Variants in TMEM131 observed in about 807,000 individuals in gnomAD.
TMEM131 encodes the protein transmembrane protein 131.
TMEM131 carries 66 observed loss-of-function variants against 211.6 expected under a neutral mutation model. The observed-to-expected ratio is 0.31, with a 90% CI of 0.26 to 0.38. The LOEUF (loss-of-function observed/expected upper bound fraction) is 0.38, where lower values mean the gene tolerates loss of function less well. Among genes scored for constraint, TMEM131 ranks in the 10% least tolerant of loss-of-function variants. The probability of loss-of-function intolerance (pLI) is 1.00; values close to 1 mark genes in which losing one functional copy is unlikely to be tolerated. For synonymous variants in TMEM131, 844 were observed against 841.3 expected (o/e 1.00, Z -0.06); for missense variants, 2,036 against 2,299.3 (o/e 0.89, Z 2.34).
intron 3 of TMEM131, among the ~76,000 whole-genome samples, chr2:97,890,606 TAA>T (rs977340315): frequency 1.3e-5 from 2 of 152,294 alleles, no homozygotes; most frequent in Non-Finnish European, 2.9e-5. Context: ...CTGTTCATAT[TAA>T]AAAGTTACTA....
At chr2:97,886,584 A>C (rs922558031) in intron 4 of TMEM131, among the ~76,000 whole-genome samples, 2 of 152,080 alleles carry the variant, frequency 1.3e-5, no homozygotes, top group African/African-American at 2.4e-5. Context: ...AGGCTGAGAG[A>C]GTCTGTGGTG....
At chr2:97,993,556 A>G (rs1439415013) in intron 1 of TMEM131, among the ~76,000 whole-genome samples, 2 of 152,244 alleles carry the variant, frequency 1.3e-5, no homozygotes, top group African/African-American at 2.4e-5. Flanking sequence ...CCTATGTTCT[A>G]TATCAGCATC....
chr2:97,932,186 T>C (rs761017629), intron 1 of TMEM131, among the ~76,000 whole-genome samples: 3 of 151,968 alleles, frequency 2.0e-5, no homozygotes, highest in Non-Finnish European at 4.4e-5. Context: ...AATTCAACAT[T>C]GTTAAATACA....
At chr2:97,935,429 T>A (rs939782850) in intron 1 of TMEM131, among the ~76,000 whole-genome samples, 1 of 152,218 alleles carries the variant, frequency 6.6e-6, no homozygotes, top group Non-Finnish European at 1.5e-5. Flanking sequence ...AGAATCTGTA[T>A]TAAAAAATGA....
intron 5 of TMEM131, among the ~76,000 whole-genome samples, chr2:97,849,113 C>T (rs575049951): frequency 1.3e-5 from 2 of 152,280 alleles, no homozygotes; most frequent in East Asian, 1.9e-4. Context: ...TAACACTGTA[C>T]ACCTAGCTGA....
In TMEM131 at chr2:97,766,136, A is replaced by C; in HGVS notation, c.4701T>G (p.Val1567=). 1.9e-6 allele frequency: 3 copies of C among 1,613,998 alleles called. No homozygotes were observed. The highest frequency in any genetic ancestry group is 2.5e-6 in the Non-Finnish European group (3 of 1,179,884). Residue 1567 remains valine, a synonymous_variant, in exon 35 of 41, where the codon GTT becomes GTG. Transcript: ENST00000186436. ...TACAGCTGCCAGGTTTGTGAACTGG[A>C]ACGGAATCCCACTCCGGTGGAGGAG... ...KDSPPPEWDS[V]PVHKPGSSTD... is the part of the protein sequence containing the mutation.
chr2:97,758,953 T>G lies in TMEM131; in HGVS notation c.5307A>C (p.Pro1769=). ...GCCAGGAAGGACTGGGATCTGTCGC[T>G]GGCGACTCCCAAAGGTATGAAGGGC... ...NSGPSYLWES[P]ATDPSPSWPA... is the part of the protein sequence containing the mutation. Residue 1769 remains proline, a synonymous_variant, in exon 40 of 41, where the codon CCA becomes CCC. Transcript: ENST00000186436. 6.2e-7 allele frequency: 1 copy of G among 1,614,052 alleles called. No homozygotes were observed. Among genetic ancestry groups the G allele is most frequent in the Non-Finnish European group, 8.5e-7 (1 of 1,179,896 alleles).
chr2:97,988,118 C>A (rs1410164556), intron 1 of TMEM131, among the ~76,000 whole-genome samples: 1 of 151,834 alleles, frequency 6.6e-6, no homozygotes, highest in African/African-American at 2.4e-5. Flanking sequence ...ACACACAGAG[C>A]AGTTAAACAG....
intron 11 of TMEM131, among the ~76,000 whole-genome samples, chr2:97,821,532 T>A (rs1682120125): frequency 6.6e-6 from 1 of 152,192 alleles, no homozygotes; most frequent in Non-Finnish European, 1.5e-5. Context: ...ACTACCTTTA[T>A]GAGCTGTAAC....
At chr2:97,985,864 T>A (rs1315732789) in intron 1 of TMEM131, among the ~76,000 whole-genome samples, 1 of 152,042 alleles carries the variant, frequency 6.6e-6, no homozygotes, top group Admixed American at 6.6e-5. Context: ...AGATTTGCAT[T>A]TAAAGATGGA....
Position 97,796,378 on chromosome 2 carries a change from T to G in TMEM131, c.3040A>C (p.Thr1014Pro). The G allele has an allele frequency of 1.3e-6, 2 of 1,529,554 alleles. No homozygotes were observed. The highest frequency in any genetic ancestry group is 1.8e-6 in the Non-Finnish European group (2 of 1,141,204). 94.7% of individuals were successfully genotyped at this position (1,529,554 alleles called of 1,614,324 possible). A position where few individuals can be genotyped will look rare whatever the true frequency, so the allele number is the denominator to read the frequency against. Residue 1014 changes from threonine to proline, a missense_variant, in exon 28 of 41, where the codon ACA becomes CCA. This residue lies in a region of TMEM131 where 1,623 missense variants were observed against 1,805.9 expected (regional missense o/e 0.90). Coordinates refer to ENST00000186436, the MANE Select transcript of TMEM131 (RefSeq NM_015348.2). ...TCTACCTTAAATGTTCTTTTCAATGTGAAATTTGGTTCTCTTAGTTTTAAA... is the reference window on the plus strand; with the variant it reads ...TCTACCTTAAATGTTCTTTTCAATGGGAAATTTGGTTCTCTTAGTTTTAAA... ...DSLKLREPNF[T>P]LKRTFKVENT...
At chr2:97,949,130 G>C (rs747389787) in intron 1 of TMEM131, among the ~76,000 whole-genome samples, 1 of 152,134 alleles carries the variant, frequency 6.6e-6, no homozygotes, top group Non-Finnish European at 1.5e-5. Context: ...TCCCATCAAC[G>C]GGTGGGTGGA....
At chr2:97,804,921 G>C (rs1280789877) in intron 22 of TMEM131, among the ~76,000 whole-genome samples, 167 bp downstream of exon 22, 1 of 152,216 alleles carries the variant, frequency 6.6e-6, no homozygotes, top group East Asian at 1.9e-4. Flanking sequence ...GCAACATACA[G>C]TTAAAATGGC....
chr2:97,914,926 CAT>C (rs548842167), intron 2 of TMEM131, among the ~76,000 whole-genome samples: 101 of 152,370 alleles, frequency 6.6e-4, no homozygotes, highest in Non-Finnish European at 1.0e-3. Flanking sequence ...ATAGTAACCA[CAT>C]GTTTAGATTT....
chr2:97,934,806 C>A (rs533269786), intron 1 of TMEM131, among the ~76,000 whole-genome samples: 4 of 152,082 alleles, frequency 2.6e-5, no homozygotes, highest in Admixed American at 6.5e-5. Flanking sequence ...CATCTATAGA[C>A]CAAAACAATA....
At chr2:97,826,776 A>G (rs1418976257) in intron 11 of TMEM131, among the ~76,000 whole-genome samples, 2 of 152,222 alleles carry the variant, frequency 1.3e-5, no homozygotes, top group African/African-American at 2.4e-5. Context: ...TTTAAAACCT[A>G]TAATTGATAA....
intron 11 of TMEM131, among the ~76,000 whole-genome samples, chr2:97,826,429 C>G (rs937512481): frequency 6.6e-6 from 1 of 152,174 alleles, no homozygotes; most frequent in African/African-American, 2.4e-5. Flanking sequence ...GGAGTTATTG[C>G]ACGCAGTACA....
At chr2:97,914,305 T>G (rs1676413958) in intron 2 of TMEM131, among the ~76,000 whole-genome samples, 1 of 152,226 alleles carries the variant, frequency 6.6e-6, no homozygotes, top group African/African-American at 2.4e-5. Context: ...CACTGTATCA[T>G]TCTGCAAACA....
At chr2:97,783,753 A>G (rs982885245) in intron 31 of TMEM131, among the ~76,000 whole-genome samples, 4 of 152,112 alleles carry the variant, frequency 2.6e-5, no homozygotes, top group Non-Finnish European at 5.9e-5. Flanking sequence ...AAGTCCTAAC[A>G]TATCAATAAG....
Sources: allele counts gnomAD v4.1 joint callset (sites outside exome capture counted in the v4.1 genomes callset), GRCh38; gene constraint gnomAD v4.1.1; regional missense constraint gnomAD v4.1.1; transcripts MANE v1.5; gene names NCBI Gene and HGNC (gene_info 2026-07-23, HGNC 2026-07-21).